The following LRTM1 variants were observed in gnomAD, a reference collection of about 807,000 sequenced individuals.
LRTM1 encodes the protein leucine rich repeat transmembrane protein 1.
Under a neutral mutation model 32.4 loss-of-function variants are expected in LRTM1, and 38 were observed. The ratio of observed to expected loss-of-function variants is 1.17; its 90% CI spans 0.91 to 1.54. The LOEUF (loss-of-function observed/expected upper bound fraction) is 1.54, where lower values mean the gene tolerates loss of function less well. Among genes scored for constraint, LRTM1 ranks in the 40% most tolerant of loss-of-function variants. The pLI, the probability that LRTM1 is intolerant of heterozygous loss-of-function variation, is 0.00. For synonymous variants in LRTM1, 186 were observed against 169.9 expected (o/e 1.09, Z -0.74); for missense variants, 466 against 415.4 (o/e 1.12, Z -1.06).
chr3:54,954,596 G>A (rs1019490401), intron 1 of LRTM1, among the ~76,000 whole-genome samples: 1 of 152,100 alleles, frequency 6.6e-6, no homozygotes, highest in Non-Finnish European at 1.5e-5. Flanking sequence ...TGAGCAGCTC[G>A]TTCAGGAGGC....
At chr3:54,937,770 G>A (rs932659217) in intron 1 of LRTM1, among the ~76,000 whole-genome samples, 18 of 152,002 alleles carry the variant, frequency 1.2e-4, no homozygotes, top group African/African-American at 3.6e-4. Context: ...CATGTGTTAC[G>A]CTGAGAGGCC....
chr3:54,927,431 C>T (rs755174614), intron 1 of LRTM1, among the ~76,000 whole-genome samples: 9 of 152,192 alleles, frequency 5.9e-5, no homozygotes, highest in Non-Finnish European at 1.2e-4. Context: ...ACATCTTCCC[C>T]TCAGTAATGA....
upstream of LRTM1, among the ~76,000 whole-genome samples, chr3:54,929,407 C>CA (rs2106952118): frequency 6.6e-6 from 1 of 152,318 alleles, no homozygotes; most frequent in African/African-American, 2.4e-5. Flanking sequence ...GACAGAGGGC[C>CA]ATGGAACCTG....
At chr3:54,927,024 A>G (rs1001578264) in intron 1 of LRTM1, among the ~76,000 whole-genome samples, 1 of 152,230 alleles carries the variant, frequency 6.6e-6, no homozygotes, top group Non-Finnish European at 1.5e-5. Context: ...ATTTTACTAT[A>G]AAGTGGTAGA....
chr3:54,947,855 T>C (rs1016728551), intron 1 of LRTM1, among the ~76,000 whole-genome samples: 2 of 152,146 alleles, frequency 1.3e-5, no homozygotes, highest in Non-Finnish European at 2.9e-5. Context: ...TCTCTAGCAC[T>C]CACTAGGGAG....
intron 1 of LRTM1, among the ~76,000 whole-genome samples, chr3:54,938,248 C>T (rs541640571): frequency 9.9e-5 from 15 of 152,234 alleles, no homozygotes; most frequent in African/African-American, 3.6e-4. Flanking sequence ...AACATTTCCT[C>T]CTGTGAGTTT....
upstream of LRTM1, among the ~76,000 whole-genome samples, chr3:54,929,000 TAAAAC>T (rs1407320637): frequency 5.3e-5 from 8 of 152,154 alleles, no homozygotes; most frequent in Non-Finnish European, 7.4e-5. Context: ...CCCTTCTAGA[TAAAAC>T]AAAATGTTCT....
intron 1 of LRTM1, among the ~76,000 whole-genome samples, chr3:54,938,853 G>A (rs1559637798): frequency 6.6e-6 from 1 of 152,122 alleles, no homozygotes; most frequent in Non-Finnish European, 1.5e-5. Context: ...GTTGAGTTTG[G>A]GCATGTGGAC....
intron 1 of LRTM1, among the ~76,000 whole-genome samples, chr3:54,942,654 T>G (rs1232071178): frequency 1.3e-5 from 2 of 152,124 alleles, no homozygotes; most frequent in African/African-American, 2.4e-5. Context: ...CTTGGGAGAC[T>G]GAGCCAGAAG....
upstream of LRTM1, among the ~76,000 whole-genome samples, chr3:54,929,281 G>A (rs2106951747): frequency 6.6e-6 from 1 of 152,298 alleles, no homozygotes; most frequent in East Asian, 1.9e-4. Flanking sequence ...ATGGCCCAGA[G>A]TGTCTTCATA....
intron 1 of LRTM1, among the ~76,000 whole-genome samples, chr3:54,949,041 G>A (rs759964782): frequency 6.6e-6 from 1 of 152,122 alleles, no homozygotes; most frequent in Non-Finnish European, 1.5e-5. Context: ...ACTTTTCTTT[G>A]TGTCAGCCCT....
At position 54,918,450 on chromosome 3, in the gene LRTM1, C is replaced by T. The variant is rs1700727592; in HGVS notation, c.*9G>A. ...CTGCAATGACCAATCCTATTTGAGA[C>T]AAAAGCTCTCAGGCTGGTGAGCTGT... On this transcript the variant is annotated 3_prime_UTR_variant, in exon 3 of 3. Coordinates refer to ENST00000273286, the MANE Select transcript of LRTM1 (RefSeq NM_020678.4). The T allele has an allele frequency of 6.4e-7, 1 of 1,574,750 alleles. No homozygotes were observed. Among genetic ancestry groups the T allele is most frequent in the African/African-American group, 1.4e-5 (1 of 71,912 alleles).
chr3:54,953,861 A>G (rs1701817731), intron 1 of LRTM1, among the ~76,000 whole-genome samples: 2 of 152,146 alleles, frequency 1.3e-5, no homozygotes, highest in Non-Finnish European at 2.9e-5. Context: ...GACCTGAGGA[A>G]AGGCCTGGGA....
At chr3:54,956,759 A>C (rs55638689) in intron 1 of LRTM1, among the ~76,000 whole-genome samples, 1 of 151,996 alleles carries the variant, frequency 6.6e-6, no homozygotes, top group African/African-American at 2.4e-5. Context: ...ACCCATTTGA[A>C]TATTTAGATG....
chr3:54,956,597 C>G lies in LRTM1; in HGVS notation c.-222+10331G>C, dbSNP rs118142479. On this transcript the variant is annotated intron_variant, in intron 1 of 2. Transcript: ENST00000493075. ...CCCTCTTCAACTGGTCTTAGGCTGT[C>G]ATAAATTCCTGCTCATCCTACAGAC... 1.3e-3 allele frequency among the ~76,000 whole-genome samples: 204 copies of G among 152,234 alleles called. 3 individuals carry two copies. The East Asian group carries it at 0.038, about 28-fold the overall frequency.
intron 1 of LRTM1, among the ~76,000 whole-genome samples, chr3:54,935,510 A>G (rs1312926054): frequency 6.6e-6 from 1 of 152,196 alleles, no homozygotes; most frequent in African/African-American, 2.4e-5. Context: ...AGCCTGGCCA[A>G]AGCCTCACAG....
intron 1 of LRTM1, among the ~76,000 whole-genome samples, chr3:54,937,372 T>C (rs1416393075): frequency 6.6e-6 from 1 of 152,054 alleles, no homozygotes; most frequent in Admixed American, 6.6e-5. Context: ...TGTCCCTCGG[T>C]ATATGAGGGG....
At chr3:54,939,315 C>T (rs1411825394) in intron 1 of LRTM1, among the ~76,000 whole-genome samples, 1 of 152,232 alleles carries the variant, frequency 6.6e-6, no homozygotes, top group Non-Finnish European at 1.5e-5. Context: ...ACTCACTTGC[C>T]TGAGACCCAA....
intron 1 of LRTM1, among the ~76,000 whole-genome samples, chr3:54,950,417 C>A (rs556244742): frequency 6.6e-6 from 1 of 152,274 alleles, no homozygotes; most frequent in South Asian, 2.1e-4. Context: ...TTTTAGGGAA[C>A]CTGTGTATGC....
Sources: allele counts gnomAD v4.1 joint callset (sites outside exome capture counted in the v4.1 genomes callset), GRCh38; gene constraint gnomAD v4.1.1; transcripts MANE v1.5; gene names NCBI Gene and HGNC (gene_info 2026-07-23, HGNC 2026-07-21).